SCML4: variants seen among roughly 807,000 people sequenced by gnomAD.
SCML4 encodes the protein sex comb on midleg-like protein 4.
Under a neutral mutation model 41.1 loss-of-function variants are expected in SCML4, and 34 were observed. The observed-to-expected ratio is 0.83, with a 90% CI of 0.63 to 1.10. SCML4 has a LOEUF of 1.10. SCML4 is among the 50% of genes least tolerant of loss of function. The pLI is 0.00. For synonymous variants in SCML4, 214 were observed against 220.9 expected (o/e 0.97, Z 0.28); for missense variants, 522 against 534.1 (o/e 0.98, Z 0.22).
chr6:107,757,463 T>C (rs1049790820), intron 2 of SCML4, among the ~76,000 whole-genome samples: 2 of 152,104 alleles, frequency 1.3e-5, no homozygotes, highest in Admixed American at 1.3e-4. Context: ...TGAGGATGTA[T>C]AGAGGCTGCT....
intron 6 of SCML4, among the ~76,000 whole-genome samples, chr6:107,712,131 C>T (rs1156565167): frequency 6.6e-6 from 1 of 152,192 alleles, no homozygotes; most frequent in African/African-American, 2.4e-5. Flanking sequence ...GACATCTGCA[C>T]TCAACATGGG....
chr6:107,807,965 C>G (rs928843564), intron 1 of SCML4, among the ~76,000 whole-genome samples: 1 of 152,182 alleles, frequency 6.6e-6, no homozygotes, highest in African/African-American at 2.4e-5. Flanking sequence ...GAATTAATTA[C>G]AGTCTGAGGG....
At chr6:107,778,335 T>C (rs897001306) in intron 1 of SCML4, among the ~76,000 whole-genome samples, 1 of 147,960 alleles carries the variant, frequency 6.8e-6, no homozygotes, top group Non-Finnish European at 1.5e-5. Context: ...AATTGTGGAC[T>C]TCAGTGCAGT....
intron 1 of SCML4, among the ~76,000 whole-genome samples, chr6:107,803,739 T>G (rs571129821): frequency 6.0e-5 from 9 of 150,060 alleles, no homozygotes; most frequent in East Asian, 1.9e-4. Flanking sequence ...CCTGTTGATC[T>G]GTGACCTTAC....
chr6:107,774,300 AT>A (rs145056250), intron 1 of SCML4, among the ~76,000 whole-genome samples: 3,561 of 151,142 alleles, frequency 0.024, 147 homozygotes, highest in African/African-American at 0.081. Context: ...CATAGGGAGC[AT>A]TTTTTTTTCT....
chr6:107,743,582 T>C (rs1431505563), intron 5 of SCML4, among the ~76,000 whole-genome samples: 1 of 152,244 alleles, frequency 6.6e-6, no homozygotes, highest in Non-Finnish European at 1.5e-5. Context: ...AAGAACGTGC[T>C]GTATCAGCAA....
chr6:107,778,256 T>A (rs1394473206), intron 1 of SCML4, among the ~76,000 whole-genome samples: 12 of 103,180 alleles, frequency 1.2e-4, no homozygotes, highest in South Asian at 6.4e-4. Context: ...TATATATATA[T>A]ATATATATAA....
chr6:107,839,407 A>AAGAAAGAAAGAAAGAAAGAAAG, the SCML4 span, among the ~76,000 whole-genome samples: 1 of 146,368 alleles, frequency 6.8e-6, no homozygotes, highest in African/African-American at 2.7e-5. Context: ...GAAAGAAAGA[A>AAGAAAGAAAGAAAGAAAGAAAG]AGAGGAAGAA....
At chr6:107,769,033 C>T (rs2354095) in intron 2 of SCML4, among the ~76,000 whole-genome samples, 32,549 of 152,090 alleles carry the variant, frequency 0.21, 4,119 homozygotes, top group African/African-American at 0.35. Context: ...AGTCTCTGAA[C>T]TAAGGACCTC....
intron 1 of SCML4, among the ~76,000 whole-genome samples, chr6:107,808,311 T>G (rs928727121): frequency 2.0e-5 from 3 of 152,206 alleles, no homozygotes; most frequent in Non-Finnish European, 4.4e-5. Context: ...TATCAAATCA[T>G]GCAGCAAGAG....
At chr6:107,796,295 G>A (rs973880795) in intron 1 of SCML4, among the ~76,000 whole-genome samples, 4 of 152,156 alleles carry the variant, frequency 2.6e-5, no homozygotes, top group African/African-American at 7.2e-5. Flanking sequence ...ATGTAAGAGA[G>A]GGCCAGTTGC....
chr6:107,785,229 G>A (rs1781795577), intron 1 of SCML4, among the ~76,000 whole-genome samples: 1 of 152,162 alleles, frequency 6.6e-6, no homozygotes, highest in Non-Finnish European at 1.5e-5. Context: ...TTAAACAAAC[G>A]CTTTAAGGGC....
At chr6:107,767,425 A>G (rs1390625538) in intron 2 of SCML4, among the ~76,000 whole-genome samples, 1 of 152,198 alleles carries the variant, frequency 6.6e-6, no homozygotes, top group African/African-American at 2.4e-5. Flanking sequence ...AAGTTTGAAT[A>G]CTCAAGTTTC....
At chr6:107,768,325 TC>T (rs749461001) in intron 2 of SCML4, among the ~76,000 whole-genome samples, 33 of 152,150 alleles carry the variant, frequency 2.2e-4, no homozygotes, top group Non-Finnish European at 4.1e-4. Context: ...GAAATTAGCT[TC>T]TTTCTTCTTT....
intron 1 of SCML4, among the ~76,000 whole-genome samples, chr6:107,785,736 G>A (rs1481765050): frequency 6.6e-6 from 1 of 152,202 alleles, no homozygotes; most frequent in Non-Finnish European, 1.5e-5. Flanking sequence ...AGGGAGAGGA[G>A]ACATCTGTAC....
At chr6:107,779,985 A>C (rs1043863258) in intron 1 of SCML4, among the ~76,000 whole-genome samples, 1 of 152,186 alleles carries the variant, frequency 6.6e-6, no homozygotes, top group Admixed American at 6.5e-5. Flanking sequence ...TGAACACATA[A>C]ATGATATCTG....
intron 1 of SCML4, among the ~76,000 whole-genome samples, chr6:107,797,969 C>T (rs1782834339): frequency 6.6e-6 from 1 of 151,856 alleles, no homozygotes; most frequent in African/African-American, 2.4e-5. Context: ...GAAGTAAACT[C>T]CAGTAGACTA....
intron 2 of SCML4, among the ~76,000 whole-genome samples, chr6:107,753,553 A>G (rs1196842645): frequency 1.3e-5 from 2 of 152,226 alleles, no homozygotes; most frequent in Middle Eastern, 6.3e-3. Flanking sequence ...TTGCATGACA[A>G]TGTGAATATA....
At chr6:107,805,859 G>T (rs999504319) in intron 1 of SCML4, among the ~76,000 whole-genome samples, 1 of 152,152 alleles carries the variant, frequency 6.6e-6, no homozygotes, top group Non-Finnish European at 1.5e-5. Flanking sequence ...TAAGAACAAT[G>T]ACATTGAAAT....
Sources: gnomAD v4.1 joint callset for allele counts (sites outside exome capture counted in the v4.1 genomes callset) on GRCh38, gnomAD v4.1.1 for gene constraint, MANE v1.5 for transcripts, NCBI Gene and HGNC (gene_info 2026-07-23, HGNC 2026-07-21) for gene names.